UGT1A6: variants seen among roughly 807,000 people sequenced by gnomAD.
The protein encoded by UGT1A6 is UDP-glucuronosyltransferase 1A6.
A neutral mutation model predicts 44.4 loss-of-function variants in UGT1A6; 32 were observed. The observed-to-expected ratio is 0.72, with a 90% CI of 0.54 to 0.97. The LOEUF is 0.97. Among genes scored for constraint, UGT1A6 ranks in the 50% least tolerant of loss-of-function variants. UGT1A6 has a pLI of 0.00. For missense variants in UGT1A6, 685 were observed against 661.9 expected, an observed-to-expected ratio of 1.03 and a Z score of -0.38; for synonymous variants, 238 against 248.5, an observed-to-expected ratio of 0.96 and a Z score of 0.40.
intron 1 of UGT1A6, among the ~76,000 whole-genome samples, chr2:233,754,115 A>G (rs1254927549): frequency 6.6e-6 from 1 of 152,216 alleles, no homozygotes; most frequent in Non-Finnish European, 1.5e-5. Context: ...CTACATCACG[A>G]GCATTTATGT....
At chr2:233,717,871 G>C (rs2076612840) in intron 1 of UGT1A6, 1 of 454,894 alleles carries the variant, frequency 2.2e-6, no homozygotes. Context: ...GATTGACTTG[G>C]AGAAAAGCCT....
chr2:233,719,100 C>T, intron 1 of UGT1A6: 1 of 1,614,270 alleles, frequency 6.2e-7, no homozygotes, highest in East Asian at 2.2e-5. Flanking sequence ...TCGCGTTACG[C>T]TGGGCTACAC....
intron 1 of UGT1A6, among the ~76,000 whole-genome samples, chr2:233,694,754 C>CT (rs1277043555): frequency 3.3e-5 from 5 of 152,146 alleles, no homozygotes; most frequent in Admixed American, 1.3e-4. Flanking sequence ...GCAGTAGCCA[C>CT]TGTGAAAAGG....
intron 1 of UGT1A6, among the ~76,000 whole-genome samples, chr2:233,704,256 C>CTTTTTTTTTT (rs59925871): frequency 6.5e-5 from 8 of 123,648 alleles, no homozygotes; most frequent in East Asian, 2.2e-4. Flanking sequence ...GCCTTTATTG[C>CTTTTTTTTTT]TTTTTTTTTT....
intron 1 of UGT1A6, among the ~76,000 whole-genome samples, chr2:233,695,119 C>G (rs542202742): frequency 1.7e-4 from 20 of 115,748 alleles, no homozygotes; most frequent in Non-Finnish European, 3.0e-4. Context: ...ATTAACCAAC[C>G]CTTTTCTTTT....
At chr2:233,747,632 C>G in intron 1 of UGT1A6, 1 of 1,580,404 alleles carries the variant, frequency 6.3e-7, no homozygotes, top group Non-Finnish European at 8.7e-7. Context: ...TGATCAGGCA[C>G]CTGAATGCTA....
intron 1 of UGT1A6, among the ~76,000 whole-genome samples, chr2:233,753,945 C>T (rs1389059765): frequency 1.3e-5 from 2 of 152,168 alleles, no homozygotes; most frequent in Non-Finnish European, 2.9e-5. Context: ...AAATGTATGA[C>T]CTCCAAAATA....
intron 1 of UGT1A6, chr2:233,743,102 G>A: frequency 5.7e-6 from 2 of 353,898 alleles, no homozygotes; most frequent in Non-Finnish European, 1.1e-5. Flanking sequence ...CTTGGGTACA[G>A]CTGTTCTGAA....
chr2:233,709,237 G>T (rs1333156053), intron 1 of UGT1A6, among the ~76,000 whole-genome samples: 1 of 152,106 alleles, frequency 6.6e-6, no homozygotes, highest in Non-Finnish European at 1.5e-5. Context: ...AGGGGTGGCC[G>T]CTGGGATGAG....
intron 1 of UGT1A6, among the ~76,000 whole-genome samples, chr2:233,710,501 C>T (rs1432129289): frequency 1.3e-5 from 2 of 152,166 alleles, no homozygotes; most frequent in East Asian, 3.8e-4. Flanking sequence ...AATTTGCATT[C>T]CTCTTATGAC....
intron 1 of UGT1A6, chr2:233,760,671 C>T: frequency 6.2e-7 from 1 of 1,614,146 alleles, no homozygotes; most frequent in Non-Finnish European, 8.5e-7. Context: ...CTGGCTGTTC[C>T]CACTTACTGC....
chr2:233,695,179 G>A (rs2075270540), intron 1 of UGT1A6, among the ~76,000 whole-genome samples: 1 of 147,376 alleles, frequency 6.8e-6, no homozygotes, highest in Non-Finnish European at 1.5e-5. Flanking sequence ...AGGCTGGAGT[G>A]CAGTGGTGCG....
chr2:233,738,320 T>C (rs1202605644), intron 1 of UGT1A6, among the ~76,000 whole-genome samples: 5 of 152,210 alleles, frequency 3.3e-5, no homozygotes, highest in Admixed American at 3.3e-4. Context: ...AGTGTGTGAA[T>C]GGACTAATAC....
intron 1 of UGT1A6, among the ~76,000 whole-genome samples, chr2:233,762,481 T>G (rs948381917): frequency 6.6e-6 from 1 of 152,238 alleles, no homozygotes. Flanking sequence ...ATCACTCCAG[T>G]TTTAAATGCT....
chr2:233,719,862 G>A (rs1026145959), intron 1 of UGT1A6, among the ~76,000 whole-genome samples: 4 of 152,186 alleles, frequency 2.6e-5, no homozygotes, highest in African/African-American at 9.7e-5. Flanking sequence ...AGTGGTCACT[G>A]AGAGGAAGAA....
Position 233,761,237 on chromosome 2 carries a change from G to A in UGT1A6, c.862-5797G>A, listed in dbSNP as rs1002651373. 1.9e-6 allele frequency: 3 copies of A among 1,612,296 alleles called. No homozygotes were observed. The African/African-American group carries it at 4.0e-5, about 22-fold the overall frequency. Reference sequence around the variant, plus strand: ...GATTAACTAGCCCCAGATATATGCTGAGCAAGCATTCTGAGATAATTTAAA... The same window carrying A: ...GATTAACTAGCCCCAGATATATGCTAAGCAAGCATTCTGAGATAATTTAAA... On this transcript the variant is annotated intron_variant, in intron 1 of 4. Coordinates refer to ENST00000305139, the MANE Select transcript of UGT1A6 (RefSeq NM_001072.4).
rs948752989 is a variant in UGT1A6 at position 233,724,891 on chromosome 2, C to G, written c.861+31026C>G. Reference sequence around the variant, plus strand: ...GTAGTGAGCGGAGATCACGCCACTGCACTCCAGCCTGGGCACCATTGAGCA... The same window carrying G: ...GTAGTGAGCGGAGATCACGCCACTGGACTCCAGCCTGGGCACCATTGAGCA... On this transcript the variant is annotated intron_variant, in intron 1 of 4. Transcript: ENST00000305139. Among the ~76,000 whole-genome samples the G allele has an allele frequency of 2.9e-4, 40 of 136,070 alleles. 2 individuals carry two copies. Among genetic ancestry groups the G allele is most frequent in the African/African-American group, 1.2e-3 (40 of 33,596 alleles). The allele number at this position is 136,070 out of a possible 152,430, so 89.3% of individuals were successfully genotyped here. A position where few individuals can be genotyped will look rare whatever the true frequency, so the allele number is the denominator to read the frequency against.
intron 1 of UGT1A6, among the ~76,000 whole-genome samples, chr2:233,765,584 C>T (rs1030389138): frequency 7.2e-5 from 11 of 151,846 alleles, no homozygotes; most frequent in African/African-American, 4.8e-5. Flanking sequence ...GGGAGGGGAA[C>T]AACACACACC....
intron 1 of UGT1A6, among the ~76,000 whole-genome samples, chr2:233,749,940 G>A (rs145039541): frequency 4.6e-5 from 7 of 151,802 alleles, no homozygotes; most frequent in Non-Finnish European, 7.3e-5. Context: ...TTTCCTTTAT[G>A]AATTACCGAG....
Sources: gnomAD v4.1 joint callset for allele counts (sites outside exome capture counted in the v4.1 genomes callset) on GRCh38, gnomAD v4.1.1 for gene constraint, MANE v1.5 for transcripts, NCBI Gene and HGNC (gene_info 2026-07-23, HGNC 2026-07-21) for gene names.